The following RBFOX1 variants were observed in gnomAD, a reference collection of about 807,000 sequenced individuals.
RBFOX1 encodes the protein RNA binding protein fox-1 homolog 1.
RBFOX1 carries 8 observed loss-of-function variants against 57.7 expected under a neutral mutation model. That is an observed-to-expected ratio of 0.14 (90% CI 0.08 to 0.25). The LOEUF (loss-of-function observed/expected upper bound fraction) is 0.25. Ranked by LOEUF, RBFOX1 falls within the 10% of genes least tolerant of loss-of-function variation. RBFOX1 has a pLI of 1.00. For synonymous variants in RBFOX1, 326 were observed against 222.4 expected, an observed-to-expected ratio of 1.47 and a Z score of -4.15; for missense variants, 611 against 548.5, an observed-to-expected ratio of 1.11 and a Z score of -1.14.
At chr16:6,946,781 A>AT (rs1319817684) in intron 3 of RBFOX1, among the ~76,000 whole-genome samples, 3 of 151,994 alleles carry the variant, frequency 2.0e-5, no homozygotes, top group South Asian at 2.1e-4. Context: ...TATTTTTAAA[A>AT]TTTTTTGCAG....
chr16:7,442,781 G>T (rs536727055), intron 4 of RBFOX1, among the ~76,000 whole-genome samples: 9 of 152,270 alleles, frequency 5.9e-5, no homozygotes, highest in African/African-American at 1.4e-4. Context: ...CTCAGACGTC[G>T]ATCGTCACCC....
chr16:6,025,782 A>G (rs1165368706), intron 1 of RBFOX1, among the ~76,000 whole-genome samples: 1 of 152,196 alleles, frequency 6.6e-6, no homozygotes, highest in Non-Finnish European at 1.5e-5. Context: ...CCCTGCCCTT[A>G]GAAGGTTGAG....
intron 3 of RBFOX1, among the ~76,000 whole-genome samples, chr16:6,916,306 C>A (rs932480877): frequency 6.6e-6 from 1 of 152,054 alleles, no homozygotes; most frequent in Non-Finnish European, 1.5e-5. Flanking sequence ...TTTGTTCATC[C>A]GTTGATGGAC....
Position 7,476,166 on chromosome 16 carries a change from T to C in RBFOX1, c.28-41981T>C, listed in dbSNP as rs117657178. On this transcript the variant is annotated intron_variant, in intron 4 of 15. Transcript: ENST00000550418. The stretch of plus-strand genomic sequence containing the variant: ...GTTTTTGTAGATACTAGAGATGCTG[T>C]TTTGCCATGTTGCCCAGGCTGGTCT... 2.0e-3 allele frequency among the ~76,000 whole-genome samples: 306 copies of C among 151,986 alleles called. 3 individuals carry two copies. The highest frequency in any genetic ancestry group is 0.01 in the Middle Eastern group (3 of 292).
intron 3 of RBFOX1, among the ~76,000 whole-genome samples, chr16:6,787,355 A>C (rs1048667166): frequency 6.6e-6 from 1 of 152,202 alleles, no homozygotes; most frequent in Non-Finnish European, 1.5e-5. Flanking sequence ...AAGTTCTTTC[A>C]ACTTAGGATT....
intron 4 of RBFOX1, among the ~76,000 whole-genome samples, chr16:7,152,507 C>T (rs193263216): frequency 3.4e-4 from 52 of 152,134 alleles, no homozygotes; most frequent in African/African-American, 9.4e-4. Context: ...AAATTGTGGC[C>T]TTATGGTCTG....
intron 3 of RBFOX1, among the ~76,000 whole-genome samples, chr16:5,699,431 T>A (rs1271786804): frequency 6.6e-6 from 1 of 151,704 alleles, no homozygotes; most frequent in East Asian, 1.9e-4. Context: ...TTCTATGTTC[T>A]ACACTGGTTT....
At position 6,701,872 on chromosome 16, in the gene RBFOX1, C is replaced by T. The variant is rs192311722; in HGVS notation, c.-16+47222C>T. Among the ~76,000 whole-genome samples the T allele has an allele frequency of 1.4e-4, 22 of 152,166 alleles. No individual in the cohort carries two copies. The East Asian group carries it at 3.5e-3, about 24-fold the overall frequency. The stretch of plus-strand genomic sequence containing the variant: ...GGAACAGAAAAGCAAATACTGTGTT[C>T]TCACTTATAAATGCGATCTAAACAC... On this transcript the variant is annotated intron_variant, in intron 3 of 15. Coordinates refer to ENST00000550418, the MANE Select transcript of RBFOX1 (RefSeq NM_018723.4).
intron 3 of RBFOX1, among the ~76,000 whole-genome samples, chr16:6,845,532 G>T (rs1461315440): frequency 6.6e-6 from 1 of 152,052 alleles, no homozygotes; most frequent in Non-Finnish European, 1.5e-5. Context: ...CTGTTCCGTT[G>T]GTCGTTGTGT....
At chr16:6,059,037 A>G (rs2095652103) in intron 1 of RBFOX1, among the ~76,000 whole-genome samples, 2 of 152,220 alleles carry the variant, frequency 1.3e-5, no homozygotes, top group African/African-American at 4.8e-5. Context: ...TGCAAAAGCA[A>G]ACACCACCAC....
chr16:6,385,225 G>A (rs1022820252), intron 2 of RBFOX1, among the ~76,000 whole-genome samples: 1 of 152,182 alleles, frequency 6.6e-6, no homozygotes, highest in Non-Finnish European at 1.5e-5. Context: ...TTTAAATAAT[G>A]GAAACAGGAA....
At chr16:5,438,559 T>C (rs1395653280) in intron 1 of RBFOX1, among the ~76,000 whole-genome samples, 1 of 152,146 alleles carries the variant, frequency 6.6e-6, no homozygotes, top group African/African-American at 2.4e-5. Flanking sequence ...CCCACCCAGC[T>C]AGTTCTCCTA....
At chr16:7,215,992 A>G (rs35725361) in intron 4 of RBFOX1, among the ~76,000 whole-genome samples, 41,954 of 151,968 alleles carry the variant, frequency 0.28, 7,283 homozygotes, top group East Asian at 0.61. Flanking sequence ...CAAAGTGCTG[A>G]GATTACAGGC....
intron 3 of RBFOX1, among the ~76,000 whole-genome samples, chr16:6,681,196 C>T (rs755327633): frequency 5.1e-4 from 78 of 152,064 alleles, no homozygotes; most frequent in Non-Finnish European, 1.5e-4. Context: ...CCTGTAGTCC[C>T]AGTTACTTGG....
At chr16:7,279,571 T>C (rs2095502874) in intron 4 of RBFOX1, among the ~76,000 whole-genome samples, 1 of 152,138 alleles carries the variant, frequency 6.6e-6, no homozygotes, top group African/African-American at 2.4e-5. Context: ...TACTATATTA[T>C]AGCCAGGGCC....
chr16:7,616,383 T>C (rs2058447676), intron 10 of RBFOX1, among the ~76,000 whole-genome samples: 2 of 152,310 alleles, frequency 1.3e-5, no homozygotes, highest in South Asian at 4.1e-4. Flanking sequence ...AGCCTTAGTG[T>C]CCAGCGTTTT....
At position 7,169,966 on chromosome 16, in the gene RBFOX1, G is replaced by T. The variant is rs537189234; in HGVS notation, c.27+117868G>T. Among the ~76,000 whole-genome samples, 124 of 152,184 alleles carry T rather than the reference G, an allele frequency of 8.1e-4. 1 individual carries two copies. Among genetic ancestry groups the T allele is most frequent in the African/African-American group, 2.8e-3 (118 of 41,524 alleles). ...CACACGCCTGTGGTCCCAGCTACTT[G>T]GGAGGATCAGGTAGGAGGATCACTT... On this transcript the variant is annotated intron_variant, in intron 4 of 15. Transcript: ENST00000550418.
chr16:6,533,622 G>A (rs1045394578), intron 2 of RBFOX1, among the ~76,000 whole-genome samples: 1 of 152,032 alleles, frequency 6.6e-6, no homozygotes, highest in Non-Finnish European at 1.5e-5. Flanking sequence ...AGTGCAATTT[G>A]AGGAGGAAAA....
intron 4 of RBFOX1, among the ~76,000 whole-genome samples, chr16:7,053,889 A>G (rs1198027335): frequency 1.3e-5 from 2 of 152,078 alleles, no homozygotes; most frequent in East Asian, 1.9e-4. Flanking sequence ...TATGTTTTGA[A>G]TTGATAGATG....
Sources: allele counts gnomAD v4.1 joint callset (sites outside exome capture counted in the v4.1 genomes callset), GRCh38; gene constraint gnomAD v4.1.1; transcripts MANE v1.5; gene names NCBI Gene and HGNC (gene_info 2026-07-23, HGNC 2026-07-21).